The following MAPRE2 variants were observed in gnomAD, a reference collection of about 807,000 sequenced individuals.
MAPRE2 encodes the protein microtubule-associated protein RP/EB family member 2.
A neutral mutation model predicts 43.2 loss-of-function variants in MAPRE2; 13 were observed. That is an observed-to-expected ratio of 0.30 (90% CI 0.20 to 0.48). MAPRE2 has a LOEUF of 0.48. Among genes scored for constraint, MAPRE2 ranks in the 20% least tolerant of loss-of-function variants. The pLI is 0.99. For missense variants in MAPRE2, 161 were observed against 400.2 expected (o/e 0.40, Z 5.10); for synonymous variants, 135 against 148.8 (o/e 0.91, Z 0.68).
intron 1 of MAPRE2, among the ~76,000 whole-genome samples, chr18:35,004,347 A>G (rs1426722203): frequency 6.6e-6 from 1 of 152,244 alleles, no homozygotes; most frequent in Non-Finnish European, 1.5e-5. Flanking sequence ...AAATGGTCAT[A>G]GAAAACACAG....
intron 1 of MAPRE2, among the ~76,000 whole-genome samples, chr18:35,053,568 G>T (rs187521060): frequency 3.6e-4 from 54 of 152,110 alleles, no homozygotes; most frequent in African/African-American, 1.3e-3. Context: ...TGCTCTTCTA[G>T]TTCTGTGGAG....
At chr18:34,979,331 C>G (rs509477) in intron 1 of MAPRE2, among the ~76,000 whole-genome samples, 89,004 of 151,958 alleles carry the variant, frequency 0.59, 26,747 homozygotes, top group East Asian at 0.7. Context: ...ACTCCAGCAG[C>G]CTGGTGAGTC....
Position 34,993,998 on chromosome 18 carries a change from T to C in MAPRE2, c.-69-11494T>C, listed in dbSNP as rs545532735. On this transcript the variant is annotated intron_variant, in intron 1 of 7. Transcript: ENST00000413393. Reference sequence around the variant, plus strand: ...AAACTGAGGCATGGATTTTCTTTTTTTTTTTTTTTTTTTTTACTGAAACCA... The same window carrying C: ...AAACTGAGGCATGGATTTTCTTTTTCTTTTTTTTTTTTTTTACTGAAACCA... 3.3e-3 allele frequency among the ~76,000 whole-genome samples: 485 copies of C among 149,092 alleles called. 4 individuals are homozygous for C. The highest frequency in any genetic ancestry group is 0.011 in the African/African-American group (448 of 40,686).
Position 35,141,032 on chromosome 18 carries a change from G to GTTGT in MAPRE2, c.*665_*668dup, listed in dbSNP as rs1446688432. ...AGCATGTTAGACAACTACACAGTAT[G>GTTGT]TTGTTAGTTTTGAAAGACATTCACT... is the stretch of plus-strand genomic sequence containing the variant. On this transcript the variant is annotated 3_prime_UTR_variant, in exon 7 of 7. Coordinates refer to ENST00000300249, the MANE Select transcript of MAPRE2 (RefSeq NM_014268.4). The GTTGT allele has an allele frequency of 6.6e-6, 1 of 152,202 alleles. No homozygotes were observed. Among genetic ancestry groups the GTTGT allele is most frequent in the Non-Finnish European group, 1.5e-5 (1 of 68,054 alleles). 9.4% of individuals were successfully genotyped at this position (152,202 alleles called of 1,614,324 possible). A position where few individuals can be genotyped will look rare whatever the true frequency, so the allele number is the denominator to read the frequency against.
chr18:34,985,557 TA>T (rs369124873), intron 1 of MAPRE2, among the ~76,000 whole-genome samples: 3,561 of 54,262 alleles, frequency 0.066, 355 homozygotes, highest in Middle Eastern at 0.083. Flanking sequence ...ATATATTATA[TA>T]TTATAAATAT....
At chr18:35,077,078 A>AG (rs1907393366) in intron 2 of MAPRE2, among the ~76,000 whole-genome samples, 3 of 152,242 alleles carry the variant, frequency 2.0e-5, no homozygotes, top group Admixed American at 1.3e-4. Context: ...GACTAACAAT[A>AG]TATATACTGA....
At chr18:34,998,958 T>C (rs2097027987) in intron 1 of MAPRE2, among the ~76,000 whole-genome samples, 1 of 152,076 alleles carries the variant, frequency 6.6e-6, no homozygotes, top group Non-Finnish European at 1.5e-5. Flanking sequence ...ATTTCACATG[T>C]AACCCTTAGT....
At chr18:35,063,386 C>T (rs574460363) in intron 1 of MAPRE2, among the ~76,000 whole-genome samples, 82 of 151,850 alleles carry the variant, frequency 5.4e-4, no homozygotes, top group African/African-American at 1.9e-3. Context: ...GGATTACAGG[C>T]GTGAGCCACT....
upstream of MAPRE2, among the ~76,000 whole-genome samples, chr18:35,038,011 T>C (rs1336630156): frequency 6.6e-6 from 1 of 152,222 alleles, no homozygotes; most frequent in African/African-American, 2.4e-5. Flanking sequence ...GGCACTCTGC[T>C]GGTGGTCTAT....
At chr18:34,996,868 A>G (rs1305014496) in intron 1 of MAPRE2, among the ~76,000 whole-genome samples, 1 of 152,234 alleles carries the variant, frequency 6.6e-6, no homozygotes, top group Admixed American at 6.5e-5. Flanking sequence ...AGAAAACGGT[A>G]GAATAGATCC....
At chr18:34,992,959 G>A (rs1244196894) in intron 1 of MAPRE2, among the ~76,000 whole-genome samples, 4 of 152,288 alleles carry the variant, frequency 2.6e-5, no homozygotes, top group East Asian at 1.9e-4. Context: ...TATCCCATTA[G>A]CGATAAGGGA....
At chr18:35,101,073 G>A (rs1467183285) in intron 3 of MAPRE2, among the ~76,000 whole-genome samples, 1 of 152,136 alleles carries the variant, frequency 6.6e-6, no homozygotes, top group African/African-American at 2.4e-5. Flanking sequence ...AAGCTTATCA[G>A]TCTTGAAATA....
chr18:35,044,754 C>T (rs1321010514), intron 1 of MAPRE2, among the ~76,000 whole-genome samples: 1 of 152,148 alleles, frequency 6.6e-6, no homozygotes, highest in African/African-American at 2.4e-5. Context: ...GAGGGAACAC[C>T]TAGAGGATAG....
At chr18:35,005,633 C>A in intron 2 of MAPRE2, 1 of 841,564 alleles carries the variant, frequency 1.2e-6, no homozygotes, top group South Asian at 2.2e-5. Flanking sequence ...GTCATTGTAA[C>A]AAATTTATTT....
chr18:35,023,864 C>CACTGAGT, intron 2 of MAPRE2, among the ~76,000 whole-genome samples: 1 of 152,146 alleles, frequency 6.6e-6, no homozygotes, highest in African/African-American at 2.4e-5. Context: ...TGCTGTTTTT[C>CACTGAGT]ACTGAGTACT....
At chr18:35,058,025 C>A (rs1447945683) in intron 1 of MAPRE2, among the ~76,000 whole-genome samples, 1 of 152,206 alleles carries the variant, frequency 6.6e-6, no homozygotes. Flanking sequence ...GGGGCTGGAG[C>A]ATGGGTTTGA....
intron 1 of MAPRE2, chr18:34,978,684 C>T (rs1186918891): frequency 2.6e-6 from 2 of 773,572 alleles, no homozygotes; most frequent in African/African-American, 1.7e-5. Context: ...TGCTTTCGTT[C>T]TTTTCTGCCA....
chr18:35,059,595 G>A (rs1280747211), intron 1 of MAPRE2, among the ~76,000 whole-genome samples: 1 of 152,200 alleles, frequency 6.6e-6, no homozygotes, highest in South Asian at 2.1e-4. Flanking sequence ...AAGAGGAGTG[G>A]ACAGATGGTA....
Position 35,093,212 on chromosome 18 carries a change from A to C in MAPRE2, c.251-4234A>C, listed in dbSNP as rs1267122040. 1.9e-4 allele frequency among the ~76,000 whole-genome samples: 3 copies of C among 15,510 alleles called. No homozygotes were observed. In the African/African-American group the frequency reaches 3.0e-3, roughly 16 times the overall value. The allele number at this position is 15,510 out of a possible 152,430, so 10.2% of individuals were successfully genotyped here. The stretch of plus-strand genomic sequence containing the variant: ...AGGAGACAGAGCAAGACCCTGTCTC[A>C]AAAAAAAAAAAAAAAAAAAAAAAAA... On this transcript the variant is annotated intron_variant, in intron 2 of 6. Coordinates refer to ENST00000300249, the MANE Select transcript of MAPRE2 (RefSeq NM_014268.4).
Sources: allele counts gnomAD v4.1 joint callset (sites outside exome capture counted in the v4.1 genomes callset), GRCh38; gene constraint gnomAD v4.1.1; transcripts MANE v1.5; gene names NCBI Gene and HGNC (gene_info 2026-07-23, HGNC 2026-07-21).